The following AGBL4 variants were observed in gnomAD, a reference collection of about 807,000 sequenced individuals.
The protein encoded by AGBL4 is cytosolic carboxypeptidase 6.
A neutral mutation model predicts 66.4 loss-of-function variants in AGBL4; 58 were observed. That is an observed-to-expected ratio of 0.87 (90% CI 0.71 to 1.09). The LOEUF (loss-of-function observed/expected upper bound fraction) is 1.09, where lower values mean the gene tolerates loss of function less well. Among genes scored for constraint, AGBL4 ranks in the 50% least tolerant of loss-of-function variants. The probability of loss-of-function intolerance (pLI) is 0.00; values close to 1 mark genes in which losing one functional copy is unlikely to be tolerated. For missense variants in AGBL4, 579 were observed against 631.0 expected, an observed-to-expected ratio of 0.92 and a Z score of 0.88; for synonymous variants, 234 against 222.9, an observed-to-expected ratio of 1.05 and a Z score of -0.44.
chr1:49,383,623 C>T (rs912481400), intron 3 of AGBL4, among the ~76,000 whole-genome samples: 2 of 152,058 alleles, frequency 1.3e-5, no homozygotes, highest in East Asian at 3.9e-4. Context: ...ACACTTATGT[C>T]ACACTATATC....
chr1:49,885,153 A>G (rs555610369), intron 1 of AGBL4, among the ~76,000 whole-genome samples: 3 of 152,094 alleles, frequency 2.0e-5, no homozygotes, highest in South Asian at 4.1e-4. Context: ...AAGCTAAAAC[A>G]CCTTCGAAGA....
intron 6 of AGBL4, among the ~76,000 whole-genome samples, chr1:48,766,288 G>A (rs1370953225): frequency 1.3e-5 from 2 of 152,148 alleles, no homozygotes; most frequent in African/African-American, 2.4e-5. Context: ...AGCTGGGAAG[G>A]TGCAGAGCCA....
intron 11 of AGBL4, among the ~76,000 whole-genome samples, chr1:48,557,344 A>G (rs1296502334): frequency 6.6e-6 from 1 of 152,152 alleles, no homozygotes; most frequent in African/African-American, 2.4e-5. Context: ...CTAGAGATTA[A>G]TGGATAATTT....
chr1:49,352,878 C>G (rs1452012869), intron 3 of AGBL4, among the ~76,000 whole-genome samples: 1 of 152,104 alleles, frequency 6.6e-6, no homozygotes, highest in Non-Finnish European at 1.5e-5. Flanking sequence ...GTAGTAGCAG[C>G]AGATGGAGTT....
chr1:49,738,387 C>G (rs1264932383), intron 2 of AGBL4, among the ~76,000 whole-genome samples: 1 of 152,162 alleles, frequency 6.6e-6, no homozygotes, highest in Non-Finnish European at 1.5e-5. Context: ...CAGGCTTGAG[C>G]AGGTAAACAA....
chr1:49,705,737 GT>G (rs569805129), intron 2 of AGBL4, among the ~76,000 whole-genome samples: 36 of 147,590 alleles, frequency 2.4e-4, no homozygotes, highest in South Asian at 6.5e-4. Context: ...TTTATTGAGT[GT>G]TTTTTTTTTA....
chr1:48,583,146 A>G (rs1229406619), intron 11 of AGBL4, among the ~76,000 whole-genome samples: 2 of 152,188 alleles, frequency 1.3e-5, no homozygotes, highest in African/African-American at 4.8e-5. Context: ...TCTGCGGTCA[A>G]GGCAAGACCC....
intron 1 of AGBL4, among the ~76,000 whole-genome samples, chr1:49,916,542 T>TA (rs1179828511): frequency 6.6e-6 from 1 of 151,294 alleles, no homozygotes. Flanking sequence ...GAAAAAAGAG[T>TA]AAAAAGAAAA....
At chr1:49,380,514 C>A (rs1644578281) in intron 3 of AGBL4, among the ~76,000 whole-genome samples, 1 of 151,782 alleles carries the variant, frequency 6.6e-6, no homozygotes, top group Non-Finnish European at 1.5e-5. Context: ...CATATGGAAC[C>A]AAAAAAGAGC....
At chr1:48,758,956 T>C (rs747657670) in intron 6 of AGBL4, 2 of 1,600,472 alleles carry the variant, frequency 1.2e-6, no homozygotes, top group Non-Finnish European at 1.7e-6. Context: ...GTCACGGAGC[T>C]CCTTCATTTC....
chr1:48,674,471 C>T (rs572461403), intron 6 of AGBL4, among the ~76,000 whole-genome samples: 1 of 149,056 alleles, frequency 6.7e-6, no homozygotes, highest in Admixed American at 6.8e-5. Context: ...CCGTCGTTCA[C>T]TCACAGAGAG....
chr1:49,939,736 A>C (rs2148289134), intron 1 of AGBL4, among the ~76,000 whole-genome samples: 1 of 152,320 alleles, frequency 6.6e-6, no homozygotes, highest in South Asian at 2.1e-4. Context: ...TAGACCTAAA[A>C]CCATGAATAA....
intron 1 of AGBL4, among the ~76,000 whole-genome samples, chr1:49,976,284 C>T (rs1658545063): frequency 6.6e-6 from 1 of 152,134 alleles, no homozygotes; most frequent in African/African-American, 2.4e-5. Flanking sequence ...ATGCATAGCA[C>T]TTTTTTCAAT....
chr1:48,634,499 G>A lies in AGBL4; in HGVS notation c.945C>T (p.Asn315=), dbSNP rs12091951. The change falls in exon 9 of 14, where the codon AAC becomes AAT. Residue 315 remains asparagine (N), a synonymous_variant. Coordinates refer to ENST00000371839, the MANE Select transcript of AGBL4 (RefSeq NM_032785.4). ...AGGGCATTCAGTTACTTACTGGGTC[G>A]TTGTACATCTGGACGATGAGTTGTT... ...GVKQLIVQMY[N]DPKTSLEFYI... 4.4e-3 allele frequency: 7,042 copies of A among 1,596,466 alleles called. 274 individuals are homozygous for A. In the African/African-American group the frequency reaches 0.082, roughly 19 times the overall value.
At chr1:49,039,182 G>A (rs1156618182) in intron 5 of AGBL4, among the ~76,000 whole-genome samples, 1 of 152,052 alleles carries the variant, frequency 6.6e-6, no homozygotes, top group Non-Finnish European at 1.5e-5. Flanking sequence ...CAGGGGTTAT[G>A]GGAAGGGAAG....
At chr1:49,690,364 G>T (rs1646864333) in intron 3 of AGBL4, among the ~76,000 whole-genome samples, 1 of 152,232 alleles carries the variant, frequency 6.6e-6, no homozygotes, top group South Asian at 2.1e-4. Flanking sequence ...TTCCTTTTAG[G>T]TAGGAGGATT....
At chr1:49,417,604 C>T (rs1306877687) in intron 3 of AGBL4, among the ~76,000 whole-genome samples, 1 of 151,904 alleles carries the variant, frequency 6.6e-6, no homozygotes, top group African/African-American at 2.4e-5. Context: ...TAAAATATAC[C>T]CATATAGGAT....
chr1:49,613,565 A>T (rs950709877), intron 3 of AGBL4, among the ~76,000 whole-genome samples: 3 of 152,194 alleles, frequency 2.0e-5, no homozygotes, highest in African/African-American at 7.2e-5. Context: ...AGATTCTCAT[A>T]GGAGTACAAA....
chr1:48,806,457 T>C (rs1488769612), intron 6 of AGBL4, among the ~76,000 whole-genome samples: 2 of 152,198 alleles, frequency 1.3e-5, no homozygotes, highest in Non-Finnish European at 2.9e-5. Flanking sequence ...CCATTCACAT[T>C]GAGCAAAATC....
Sources: allele counts gnomAD v4.1 joint callset (sites outside exome capture counted in the v4.1 genomes callset), GRCh38; gene constraint gnomAD v4.1.1; transcripts MANE v1.5; gene names NCBI Gene and HGNC (gene_info 2026-07-23, HGNC 2026-07-21).